The following CREB5 variants were observed in gnomAD, a reference collection of about 807,000 sequenced individuals.
CREB5 encodes the protein cAMP responsive element binding protein 5.
Under a neutral mutation model 57.1 loss-of-function variants are expected in CREB5, and 19 were observed. The ratio of observed to expected loss-of-function variants is 0.33; its 90% CI spans 0.23 to 0.49. The LOEUF (loss-of-function observed/expected upper bound fraction) is 0.49, where lower values mean the gene tolerates loss of function less well. Ranked by LOEUF, CREB5 falls within the 20% of genes least tolerant of loss-of-function variation. CREB5 has a pLI of 0.99. For synonymous variants in CREB5, 238 were observed against 238.3 expected, an observed-to-expected ratio of 1.00 and a Z score of 0.01; for missense variants, 579 against 671.6, an observed-to-expected ratio of 0.86 and a Z score of 1.52.
intron 5 of CREB5, among the ~76,000 whole-genome samples, chr7:28,604,884 T>A (rs887015861): frequency 2.0e-5 from 3 of 152,166 alleles, no homozygotes; most frequent in African/African-American, 7.2e-5. Flanking sequence ...TTTAAAAAGA[T>A]GTAAATGATT....
intron 5 of CREB5, among the ~76,000 whole-genome samples, chr7:28,583,819 C>A (rs1012073010): frequency 1.3e-5 from 2 of 152,132 alleles, no homozygotes; most frequent in East Asian, 1.9e-4. Context: ...GCCGGGTTTA[C>A]AGGCATGATC....
chr7:28,756,350 C>T (rs1010367164), intron 7 of CREB5, among the ~76,000 whole-genome samples: 13 of 151,898 alleles, frequency 8.6e-5, no homozygotes, highest in Admixed American at 8.5e-4. Context: ...GTTGGGAGTT[C>T]GAGACCAGCC....
chr7:28,564,542 A>T lies in CREB5; in HGVS notation c.292-5823A>T, dbSNP rs536712109. On this transcript the variant is annotated intron_variant, in intron 4 of 10. Coordinates refer to ENST00000357727, the MANE Select transcript of CREB5 (RefSeq NM_182898.4). ...TCAAGCTCAGGAGTATGCAATCAAG[A>T]CTCATTATTCTCCTGCTTCTCATTT... 9.2e-5 allele frequency among the ~76,000 whole-genome samples: 14 copies of T among 152,256 alleles called. No individual in the cohort carries two copies. In the Middle Eastern group the frequency reaches 0.014, roughly 148 times the overall value.
chr7:28,693,161 A>G (rs997638930), intron 5 of CREB5, among the ~76,000 whole-genome samples: 3 of 152,072 alleles, frequency 2.0e-5, no homozygotes, highest in African/African-American at 7.2e-5. Flanking sequence ...TCTATTTTCC[A>G]TCTGAATAAC....
At chr7:28,792,121 A>G (rs538562282) in intron 7 of CREB5, among the ~76,000 whole-genome samples, 1 of 152,274 alleles carries the variant, frequency 6.6e-6, no homozygotes, top group Admixed American at 6.5e-5. Flanking sequence ...CCTGGTCAAC[A>G]TGATGAAATT....
chr7:28,754,672 G>C (rs1583673300), intron 7 of CREB5, among the ~76,000 whole-genome samples: 1 of 152,282 alleles, frequency 6.6e-6, no homozygotes, highest in East Asian at 1.9e-4. Flanking sequence ...CTGGCACGTA[G>C]CTCCCAGCCA....
intron 4 of CREB5, among the ~76,000 whole-genome samples, chr7:28,540,686 T>C (rs1192312958): frequency 1.3e-5 from 2 of 152,204 alleles, no homozygotes; most frequent in Non-Finnish European, 2.9e-5. Context: ...GGCATATTTG[T>C]TTTCCTCCCT....
At chr7:28,329,480 T>A (rs927970693) in intron 1 of CREB5, among the ~76,000 whole-genome samples, 1 of 152,246 alleles carries the variant, frequency 6.6e-6, no homozygotes, top group Non-Finnish European at 1.5e-5. Flanking sequence ...GTTCTTGCAT[T>A]TGGAAAACAA....
At chr7:28,716,194 A>T (rs1802677113) in intron 5 of CREB5, among the ~76,000 whole-genome samples, 1 of 152,112 alleles carries the variant, frequency 6.6e-6, no homozygotes, top group Admixed American at 6.5e-5. Flanking sequence ...ATAGGTTCAG[A>T]CAGATTCCCT....
intron 5 of CREB5, among the ~76,000 whole-genome samples, chr7:28,625,132 G>A (rs1327939529): frequency 3.9e-5 from 6 of 152,014 alleles, no homozygotes; most frequent in African/African-American, 1.5e-4. Flanking sequence ...TACAGATGAG[G>A]AAATGAGGCT....
rs1345805740 is a variant in CREB5 at position 28,560,817 on chromosome 7, T to TGCGCGCGC, written c.292-9547_292-9546insCGCGCGCG. On this transcript the variant is annotated intron_variant, in intron 4 of 10. Transcript: ENST00000357727. ...TCCACAGTGTGTGTGCGCGTGTGTG[T>TGCGCGCGC]GTGTGCGCGCGCGCGCGTGTGTGTG... is the stretch of plus-strand genomic sequence containing the variant. 2.3e-4 allele frequency among the ~76,000 whole-genome samples: 22 copies of TGCGCGCGC among 94,642 alleles called. 3 individuals are homozygous for TGCGCGCGC. Among genetic ancestry groups the TGCGCGCGC allele is most frequent in the Non-Finnish European group, 3.5e-4 (15 of 43,062 alleles). 62.1% of individuals were successfully genotyped at this position (94,642 alleles called of 152,430 possible).
At chr7:28,740,998 AT>A (rs34485539) in intron 7 of CREB5, among the ~76,000 whole-genome samples, 22,855 of 145,366 alleles carry the variant, frequency 0.16, 2,482 homozygotes, top group East Asian at 0.6. Context: ...CCATGCAGGG[AT>A]TTTTTTTTTT....
At chr7:28,737,547 A>G (rs1019368495) in intron 7 of CREB5, among the ~76,000 whole-genome samples, 356 of 12,052 alleles carry the variant, frequency 0.03, 15 homozygotes, top group African/African-American at 0.075. Context: ...ACGTATATAT[A>G]TATATATATA....
At chr7:28,703,476 T>C (rs889831336) in intron 5 of CREB5, among the ~76,000 whole-genome samples, 1 of 152,002 alleles carries the variant, frequency 6.6e-6, no homozygotes, top group African/African-American at 2.4e-5. Flanking sequence ...GAGAGAGATA[T>C]ATGGTTTATT....
chr7:28,756,111 C>T lies in CREB5; in HGVS notation c.702+31779C>T, dbSNP rs572845149. ...CTATTGTATGCAAACCCTCCTACCT[C>T]GGGGGATTTACCTACCTGCTGGAAC... On this transcript the variant is annotated intron_variant, in intron 7 of 10. Transcript: ENST00000357727. Among the ~76,000 whole-genome samples the T allele has an allele frequency of 5.3e-5, 8 of 152,232 alleles. No individual in the cohort carries two copies. In the South Asian group the frequency reaches 1.5e-3, roughly 28 times the overall value.
In CREB5 at chr7:28,526,152, T is replaced by C. The variant is rs1051943014; in HGVS notation, c.291+18415T>C. Among the ~76,000 whole-genome samples the C allele has an allele frequency of 2.6e-5, 4 of 152,312 alleles. No individual in the cohort carries two copies. In the Middle Eastern group the frequency reaches 0.014, roughly 518 times the overall value. On this transcript the variant is annotated intron_variant, in intron 4 of 10. Coordinates refer to ENST00000357727, the MANE Select transcript of CREB5 (RefSeq NM_182898.4). ...AGAGACTAAAACCTTCCAAAAGCCTTAGTCAAAACTCAGAGGTGGGTTAGT... is the reference window on the plus strand; with the variant it reads ...AGAGACTAAAACCTTCCAAAAGCCTCAGTCAAAACTCAGAGGTGGGTTAGT...
intron 5 of CREB5, among the ~76,000 whole-genome samples, chr7:28,658,955 A>ATATATATATATATATATATATATG (rs61113400): frequency 7.4e-4 from 35 of 47,534 alleles, no homozygotes; most frequent in Admixed American, 2.2e-3. Context: ...GTGTGTGTGT[A>ATATATATATATATATATATATATG]TATATATATA....
At chr7:28,335,447 A>T (rs1785805974) in intron 1 of CREB5, among the ~76,000 whole-genome samples, 1 of 151,602 alleles carries the variant, frequency 6.6e-6, no homozygotes, top group Admixed American at 6.6e-5. Flanking sequence ...ATTTAATTTG[A>T]TTTGTTGCTA....
intron 5 of CREB5, among the ~76,000 whole-genome samples, chr7:28,578,090 T>C (rs1343193326): frequency 1.3e-5 from 2 of 152,222 alleles, no homozygotes; most frequent in African/African-American, 4.8e-5. Context: ...GGGAATTATT[T>C]TGTGGAAGAT....
Sources: allele counts gnomAD v4.1 joint callset (sites outside exome capture counted in the v4.1 genomes callset), GRCh38; gene constraint gnomAD v4.1.1; transcripts MANE v1.5; gene names NCBI Gene and HGNC (gene_info 2026-07-23, HGNC 2026-07-21).